HAS3: variants seen among roughly 807,000 people sequenced by gnomAD.
HAS3 encodes the protein hyaluronan synthase 3, also known as HA synthase 3.
In HAS3, 27 loss-of-function variants were observed where a neutral mutation model predicts 50.3. That is an observed-to-expected ratio of 0.54 (90% CI 0.40 to 0.74). The LOEUF is 0.74. Ranked by LOEUF, HAS3 falls within the 30% of genes least tolerant of loss-of-function variation. The pLI, the probability that HAS3 is intolerant of heterozygous loss-of-function variation, is 0.00. For synonymous variants in HAS3, 339 were observed against 310.9 expected, an observed-to-expected ratio of 1.09 and a Z score of -0.95; for missense variants, 517 against 742.8, an observed-to-expected ratio of 0.70 and a Z score of 3.53.
chr16:69,087,946 T>TGCCC, the HAS3 span, among the ~76,000 whole-genome samples: 1 of 147,884 alleles, frequency 6.8e-6, no homozygotes. Flanking sequence ...TCAGGTGTTC[T>TGCCC]GCCCGCCTCG....
At chr16:69,118,325 G>A (rs367681130), downstream of HAS3, 1 of 1,336,398 alleles carries the variant, frequency 7.5e-7, no homozygotes, top group Non-Finnish European at 1.1e-6. Flanking sequence ...TCTTTGAAGT[G>A]GTTGTCCATC....
chr16:69,118,369 T>C, downstream of HAS3: 1 of 1,608,012 alleles, frequency 6.2e-7, no homozygotes, highest in South Asian at 1.1e-5. Flanking sequence ...CAGGGAAAGG[T>C]ATGGCAGTAG....
the HAS3 span, among the ~76,000 whole-genome samples, chr16:69,085,945 C>T: frequency 1.3e-5 from 2 of 151,790 alleles, no homozygotes; most frequent in African/African-American, 2.4e-5. Flanking sequence ...TGGCTCACTG[C>T]AGCCTTGACC....
At chr16:69,094,460 G>T in the HAS3 span, among the ~76,000 whole-genome samples, 1 of 152,226 alleles carries the variant, frequency 6.6e-6, no homozygotes, top group Non-Finnish European at 1.5e-5. Context: ...AAGCGAATGG[G>T]AATGCTAATG....
At chr16:69,100,421 G>A in the HAS3 span, among the ~76,000 whole-genome samples, 1 of 152,178 alleles carries the variant, frequency 6.6e-6, no homozygotes, top group Admixed American at 6.5e-5. Flanking sequence ...GTCAGCCCAG[G>A]GAAAGTGGAT....
At chr16:69,099,453 G>A in the HAS3 span, among the ~76,000 whole-genome samples, 1 of 151,802 alleles carries the variant, frequency 6.6e-6, no homozygotes, top group Admixed American at 6.6e-5. Flanking sequence ...TCAGCCTCCC[G>A]AGTAGCTGGG....
chr16:69,112,733 T>C (rs1055524599), intron 2 of HAS3, among the ~76,000 whole-genome samples: 7 of 152,178 alleles, frequency 4.6e-5, no homozygotes, highest in African/African-American at 9.6e-5. Flanking sequence ...GTTCAACTCA[T>C]AATGAGACCA....
the HAS3 span, among the ~76,000 whole-genome samples, chr16:69,099,692 C>T: frequency 1.3e-5 from 2 of 152,212 alleles, no homozygotes; most frequent in African/African-American, 2.4e-5. Flanking sequence ...GATTGTGTCT[C>T]CTGTTCGTTA....
chr16:69,114,132 T>A lies in HAS3; in HGVS notation c.739-211T>A, dbSNP rs1422702655. On this transcript the variant is annotated intron_variant, in intron 3 of 3. Coordinates refer to ENST00000569188, the MANE Select transcript of HAS3 (RefSeq NM_001199280.2). The surrounding 1 kb of genome is among the most constrained non-coding windows in gnomAD (Gnocchi z 6.4). Reference sequence around the variant, plus strand: ...GTGGGGAAAATCTCTGCAGATAAGATGACACAGTAGGGAGGTAGAGCTGGT... The same window carrying A: ...GTGGGGAAAATCTCTGCAGATAAGAAGACACAGTAGGGAGGTAGAGCTGGT... Among the ~76,000 whole-genome samples, 1 of 152,156 alleles carries A rather than the reference T, an allele frequency of 6.6e-6. No homozygotes were observed. The highest frequency in any genetic ancestry group is 2.1e-4 in the South Asian group (1 of 4,826).
At chr16:69,089,488 A>G in the HAS3 span, among the ~76,000 whole-genome samples, 7 of 152,192 alleles carry the variant, frequency 4.6e-5, no homozygotes, top group African/African-American at 9.6e-5. Context: ...CTGTGTCCTC[A>G]GCAAGCTCTG....
chr16:69,118,124 C>T, downstream of HAS3: 3 of 401,440 alleles, frequency 7.5e-6, no homozygotes, highest in South Asian at 4.6e-5. Context: ...CCCTTCATCC[C>T]CCACCCCCAC....
intron 2 of HAS3, among the ~76,000 whole-genome samples, chr16:69,112,514 G>C (rs866926466): frequency 3.9e-5 from 6 of 152,188 alleles, no homozygotes; most frequent in Non-Finnish European, 4.4e-5. Context: ...ATCTTACTCA[G>C]CAACTTTAAT....
At position 69,117,003 on chromosome 16, in the gene HAS3, A is replaced by G; in HGVS notation, c.*1737A>G. Reference sequence around the variant, plus strand: ...CTTTCCTTCATCTCCCACGAACTCAAGGGTTTTCCAGGTGTAGCTAACAGT... The same window carrying G: ...CTTTCCTTCATCTCCCACGAACTCAGGGGTTTTCCAGGTGTAGCTAACAGT... On this transcript the variant is annotated 3_prime_UTR_variant, in exon 4 of 4. Transcript: ENST00000569188. 3.0e-6 allele frequency: 3 copies of G among 985,428 alleles called. No homozygotes were observed. The highest frequency in any genetic ancestry group is 3.6e-6 in the Non-Finnish European group (3 of 829,916). 61.0% of individuals were successfully genotyped at this position (985,428 alleles called of 1,614,324 possible).
At chr16:69,097,233 T>C in the HAS3 span, among the ~76,000 whole-genome samples, 1 of 151,652 alleles carries the variant, frequency 6.6e-6, no homozygotes, top group African/African-American at 2.4e-5. Flanking sequence ...TCCTAGCACT[T>C]TGGGAGGCCG....
At chr16:69,094,667 C>T in the HAS3 span, among the ~76,000 whole-genome samples, 6 of 152,194 alleles carry the variant, frequency 3.9e-5, no homozygotes, top group African/African-American at 1.4e-4. Flanking sequence ...GGGAAATCCC[C>T]ACAGTGCAGA....
intron 2 of HAS3, among the ~76,000 whole-genome samples, chr16:69,112,632 C>G (rs913476835): frequency 1.3e-5 from 2 of 152,212 alleles, no homozygotes; most frequent in Non-Finnish European, 2.9e-5. Context: ...AACCAGTTCT[C>G]CTGGCCAATG....
At chr16:69,095,807 C>A in the HAS3 span, among the ~76,000 whole-genome samples, 1 of 152,206 alleles carries the variant, frequency 6.6e-6, no homozygotes, top group Admixed American at 6.6e-5. Flanking sequence ...CTACCCTCAG[C>A]TTCGCTCTAA....
chr16:69,118,331 C>CCAT (rs1961321010), downstream of HAS3: 4 of 1,400,640 alleles, frequency 2.9e-6, no homozygotes, highest in African/African-American at 2.8e-5. Context: ...AAGTGGTTGT[C>CCAT]CATCTCCCTG....
At chr16:69,099,192 C>T in the HAS3 span, among the ~76,000 whole-genome samples, 2 of 151,234 alleles carry the variant, frequency 1.3e-5, no homozygotes, top group Non-Finnish European at 2.9e-5. Context: ...AGGATGGTCT[C>T]GATCTCCTGA....
Sources: gnomAD v4.1 joint callset for allele counts (sites outside exome capture counted in the v4.1 genomes callset) on GRCh38, gnomAD v4.1.1 for gene constraint, Gnocchi (gnomAD v3.1) non-coding constraint, MANE v1.5 for transcripts, NCBI Gene and HGNC (gene_info 2026-07-23, HGNC 2026-07-21) for gene names.